The following ST8SIA2 variants were observed in gnomAD, a reference collection of about 807,000 sequenced individuals.
The protein encoded by ST8SIA2 is alpha-2,8-sialyltransferase 8B.
ST8SIA2 carries 22 observed loss-of-function variants against 37.6 expected under a neutral mutation model. The ratio of observed to expected loss-of-function variants is 0.58; its 90% CI spans 0.42 to 0.83. The LOEUF (loss-of-function observed/expected upper bound fraction) is 0.83, where lower values mean the gene tolerates loss of function less well. Ranked by LOEUF, ST8SIA2 falls within the 40% of genes least tolerant of loss-of-function variation. The pLI is 0.00. For synonymous variants in ST8SIA2, 205 were observed against 201.2 expected (o/e 1.02, Z -0.16); for missense variants, 382 against 484.7 (o/e 0.79, Z 1.99).
intron 1 of ST8SIA2, among the ~76,000 whole-genome samples, chr15:92,415,734 G>A (rs988618322): frequency 2.0e-5 from 3 of 152,054 alleles, no homozygotes; most frequent in Non-Finnish European, 2.9e-5. Context: ...TAAAAAGGTC[G>A]AACATGCAAG....
intron 3 of ST8SIA2, among the ~76,000 whole-genome samples, chr15:92,436,344 C>G (rs536762852): frequency 1.9e-4 from 29 of 152,160 alleles, no homozygotes; most frequent in South Asian, 1.5e-3. Flanking sequence ...AAATAGCTCC[C>G]CCACCCCTTG....
chr15:92,462,760 T>G (rs1010202485), intron 5 of ST8SIA2, among the ~76,000 whole-genome samples: 1 of 152,202 alleles, frequency 6.6e-6, no homozygotes, highest in Non-Finnish European at 1.5e-5. Flanking sequence ...GTAAGAAATT[T>G]GTGGTAAGGA....
chr15:92,444,185 A>G (rs1374458500), intron 4 of ST8SIA2, among the ~76,000 whole-genome samples: 1 of 152,216 alleles, frequency 6.6e-6, no homozygotes, highest in Admixed American at 6.5e-5. Context: ...GGAAGGTCTC[A>G]GGAAGCACAG....
intron 5 of ST8SIA2, among the ~76,000 whole-genome samples, chr15:92,445,976 A>T (rs2141840377): frequency 6.6e-6 from 1 of 152,336 alleles, no homozygotes; most frequent in Non-Finnish European, 1.5e-5. Flanking sequence ...AGCCACAAGA[A>T]AAATAGTTTA....
intron 1 of ST8SIA2, among the ~76,000 whole-genome samples, chr15:92,405,716 A>G (rs1359423841): frequency 6.6e-6 from 1 of 152,238 alleles, no homozygotes; most frequent in South Asian, 2.1e-4. Context: ...AATTAGAAAA[A>G]TACAAATCAT....
intron 1 of ST8SIA2, among the ~76,000 whole-genome samples, chr15:92,409,108 C>T (rs963206926): frequency 2.0e-5 from 3 of 152,152 alleles, no homozygotes; most frequent in Non-Finnish European, 2.9e-5. Flanking sequence ...CAGGCGAATC[C>T]GCAGTTCTAT....
chr15:92,449,636 C>T (rs2049867926), intron 5 of ST8SIA2, among the ~76,000 whole-genome samples: 1 of 152,224 alleles, frequency 6.6e-6, no homozygotes, highest in South Asian at 2.1e-4. Context: ...TAAGCATTCT[C>T]TTTTCTCCAC....
At chr15:92,400,303 T>A (rs886973215) in intron 1 of ST8SIA2, among the ~76,000 whole-genome samples, 2 of 152,218 alleles carry the variant, frequency 1.3e-5, no homozygotes, top group Non-Finnish European at 2.9e-5. Flanking sequence ...TTATTTATCC[T>A]TTATCTCCAG....
chr15:92,440,716 C>A (rs936702462), intron 4 of ST8SIA2, among the ~76,000 whole-genome samples: 6 of 152,296 alleles, frequency 3.9e-5, no homozygotes, highest in African/African-American at 1.4e-4. Flanking sequence ...AGCTCCTCCA[C>A]CCCACTGGGA....
chr15:92,439,029 G>T (rs1013027520), intron 4 of ST8SIA2, among the ~76,000 whole-genome samples: 1 of 152,134 alleles, frequency 6.6e-6, no homozygotes, highest in Non-Finnish European at 1.5e-5. Context: ...CACTGGGCAC[G>T]GTTAAATCAT....
chr15:92,467,650 C>A lies in ST8SIA2; in HGVS notation c.*3265C>A, dbSNP rs1169951104. 6.6e-6 allele frequency: 1 copy of A among 152,020 alleles called. No homozygotes were observed. Among genetic ancestry groups the A allele is most frequent in the Non-Finnish European group, 1.5e-5 (1 of 68,024 alleles). 9.4% of individuals were successfully genotyped at this position (152,020 alleles called of 1,614,324 possible). A position where few individuals can be genotyped will look rare whatever the true frequency, so the allele number is the denominator to read the frequency against. ...TTATTTATTATTTATTTATTGAAAC[C>A]CCTACTTTGATTGACAAAGGAATCA... is the stretch of plus-strand genomic sequence containing the variant. On this transcript the variant is annotated 3_prime_UTR_variant, in exon 6 of 6. Transcript: ENST00000268164.
At chr15:92,461,137 A>G (rs1391698015) in intron 5 of ST8SIA2, among the ~76,000 whole-genome samples, 1 of 152,110 alleles carries the variant, frequency 6.6e-6, no homozygotes, top group Non-Finnish European at 1.5e-5. Flanking sequence ...CCTGATCACA[A>G]CGCAGCCTCC....
chr15:92,446,637 G>T (rs768818220), intron 5 of ST8SIA2, among the ~76,000 whole-genome samples: 7 of 152,172 alleles, frequency 4.6e-5, no homozygotes, highest in Admixed American at 3.9e-4. Context: ...TTTTCTTATA[G>T]GGAAAGATAA....
intron 1 of ST8SIA2, among the ~76,000 whole-genome samples, chr15:92,411,446 C>T (rs188033714): frequency 6.6e-6 from 1 of 152,232 alleles, no homozygotes; most frequent in Admixed American, 6.5e-5. Context: ...ACTCTCGGGA[C>T]AGTCAGTAAC....
intron 1 of ST8SIA2, among the ~76,000 whole-genome samples, chr15:92,414,824 A>G (rs1346846184): frequency 6.6e-6 from 1 of 152,204 alleles, no homozygotes; most frequent in East Asian, 1.9e-4. Flanking sequence ...ACCACAAGCT[A>G]TCGTGGCATT....
rs776495026 is a variant in ST8SIA2, at chr15:92,394,110, C to T, written c.46C>T (p.Leu16Phe). ...RSWMLAALTLLVVFLIFADIS... is the reference protein window; with the variant it reads ...RSWMLAALTLFVVFLIFADIS... ...CTGGATGCTGGCCGCGCTCACGCTG[C>T]TCGTGGTCTTCCTCATCTTCGCAGA... Residue 16 changes from leucine to phenylalanine, a missense_variant, in exon 1 of 6, where the codon CTC (leucine) becomes TTC (phenylalanine). Physicochemically the swap from Leu to Phe is conservative, Grantham distance 22. Coordinates refer to ENST00000268164, the MANE Select transcript of ST8SIA2 (RefSeq NM_006011.4). The T allele has an allele frequency of 5.8e-6, 9 of 1,559,936 alleles. No individual in the cohort carries two copies. The highest frequency in any genetic ancestry group is 1.4e-5 in the African/African-American group (1 of 73,740).
intron 5 of ST8SIA2, among the ~76,000 whole-genome samples, chr15:92,445,701 A>G (rs2049837420): frequency 6.6e-6 from 1 of 152,200 alleles, no homozygotes; most frequent in Non-Finnish European, 1.5e-5. Context: ...TTAGGTAAGG[A>G]TTTTCCTGGT....
intron 4 of ST8SIA2, among the ~76,000 whole-genome samples, chr15:92,441,410 C>T (rs911195494): frequency 5.3e-5 from 8 of 152,052 alleles, no homozygotes; most frequent in African/African-American, 1.4e-4. Flanking sequence ...GGGCACTGCT[C>T]GAGCAAGCGT....
At chr15:92,401,262 C>T (rs2049468919) in intron 1 of ST8SIA2, among the ~76,000 whole-genome samples, 1 of 152,218 alleles carries the variant, frequency 6.6e-6, no homozygotes, top group African/African-American at 2.4e-5. Context: ...ACACCGTCGC[C>T]TGTGGCCGGC....
Sources: gnomAD v4.1 joint callset for allele counts (sites outside exome capture counted in the v4.1 genomes callset) on GRCh38, gnomAD v4.1.1 for gene constraint, MANE v1.5 for transcripts, NCBI Gene and HGNC (gene_info 2026-07-23, HGNC 2026-07-21) for gene names.